The following PDE2A variants were observed in gnomAD, a reference collection of about 807,000 sequenced individuals.
The protein encoded by PDE2A is cGMP-dependent 3',5'-cyclic phosphodiesterase.
Under a neutral mutation model 133.6 loss-of-function variants are expected in PDE2A, and 53 were observed. The observed-to-expected ratio is 0.40, with a 90% CI of 0.32 to 0.50. The LOEUF is 0.50. Among genes scored for constraint, PDE2A ranks in the 20% least tolerant of loss-of-function variants. PDE2A has a pLI of 0.73. For missense variants in PDE2A, 796 were observed against 1,232.4 expected (o/e 0.65, Z 5.30); for synonymous variants, 491 against 490.2 (o/e 1.00, Z -0.02).
chr11:72,577,864 T>G (rs548221854), intron 30 of PDE2A, among the ~76,000 whole-genome samples: 3 of 152,100 alleles, frequency 2.0e-5, no homozygotes, highest in South Asian at 4.1e-4. Flanking sequence ...CCCAGCTACT[T>G]GGGAGGCTGA....
chr11:72,588,937 G>A (rs781592773), intron 12 of PDE2A, 23 bp from the exon 13 acceptor site: 2 of 1,590,408 alleles, frequency 1.3e-6, no homozygotes, highest in Admixed American at 3.4e-5. Flanking sequence ...GGCAAGTCAG[G>A]GCAGGGAAGC....
chr11:72,657,016 G>C (rs1270827863), intron 1 of PDE2A, among the ~76,000 whole-genome samples: 1 of 152,030 alleles, frequency 6.6e-6, no homozygotes, highest in Non-Finnish European at 1.5e-5. Flanking sequence ...CTCACACTTA[G>C]GCCACTCTGA....
intron 1 of PDE2A, among the ~76,000 whole-genome samples, chr11:72,652,245 G>C (rs1382006684): frequency 6.6e-6 from 1 of 152,214 alleles, no homozygotes; most frequent in African/African-American, 2.4e-5. Context: ...CCAGGAGACA[G>C]AGTCCCTTCT....
chr11:72,652,437 A>G, intron 1 of PDE2A: 1 of 451,000 alleles, frequency 2.2e-6, no homozygotes, highest in South Asian at 1.6e-5. Flanking sequence ...TGGCAGAACC[A>G]TTTCCAGATA....
At chr11:72,641,797 T>C (rs1373903865) in intron 2 of PDE2A, among the ~76,000 whole-genome samples, 1 of 152,130 alleles carries the variant, frequency 6.6e-6, no homozygotes, top group Non-Finnish European at 1.5e-5. Context: ...GGGTGTCCAG[T>C]TGAGGCTTGG....
intron 2 of PDE2A, among the ~76,000 whole-genome samples, chr11:72,619,670 T>C (rs1441499119): frequency 1.3e-5 from 2 of 152,186 alleles, no homozygotes; most frequent in Admixed American, 6.5e-5. Flanking sequence ...GTGCTGTGAA[T>C]GCGCTGGTGG....
intron 6 of PDE2A, among the ~76,000 whole-genome samples, chr11:72,593,593 G>C (rs1030742199): frequency 9.2e-5 from 14 of 152,204 alleles, no homozygotes; most frequent in Non-Finnish European, 1.8e-4. Context: ...GGTGCAGCTG[G>C]GGGAAGAGTG....
intron 1 of PDE2A, among the ~76,000 whole-genome samples, chr11:72,663,557 C>T (rs960884900): frequency 1.3e-5 from 2 of 151,926 alleles, no homozygotes; most frequent in South Asian, 2.1e-4. Flanking sequence ...GGTGAAACCC[C>T]GTCTCTACCA....
intron 1 of PDE2A, among the ~76,000 whole-genome samples, chr11:72,663,357 C>T (rs1855130244): frequency 6.6e-6 from 1 of 152,190 alleles, no homozygotes. Context: ...GCGGTGATCA[C>T]GGCAGGAAGC....
At chr11:72,592,599 CG>C (rs1175460544) in intron 6 of PDE2A, among the ~76,000 whole-genome samples, 2 of 152,114 alleles carry the variant, frequency 1.3e-5, no homozygotes, top group Admixed American at 1.3e-4. Context: ...AGGACACTGG[CG>C]GTAGGTGGTG....
chr11:72,616,736 G>T (rs927961838), intron 2 of PDE2A, among the ~76,000 whole-genome samples: 1 of 152,236 alleles, frequency 6.6e-6, no homozygotes, highest in Non-Finnish European at 1.5e-5. Flanking sequence ...GGCCCTTTGT[G>T]CTTCAGGATC....
rs769614074 is a variant in PDE2A at position 72,579,569 on chromosome 11, G to A, written c.2221C>T (p.His741Tyr). 1 of 1,612,850 alleles carries A rather than the reference G, an allele frequency of 6.2e-7. No individual in the cohort carries two copies. The highest frequency in any genetic ancestry group is 1.1e-5 in the South Asian group (1 of 90,724). The change falls in exon 26 of 31, where the codon CAC (histidine) becomes TAC (tyrosine). Residue 741 changes from histidine (H) to tyrosine (Y), a missense_variant. Physicochemically the swap from His to Tyr is moderately conservative, Grantham distance 83 (BLOSUM62 2). Around this residue, in one of 7 missense-constraint regions of PDE2A, gnomAD observed 218 missense variants for 465.9 expected, o/e 0.47. Transcript: ENST00000334456. ...AAATGATCAAAGATGTTGCAGCCGTGGGTGTTGAGGATGGCGATGGCCTGA... is the reference window on the plus strand; with the variant it reads ...AAATGATCAAAGATGTTGCAGCCGTAGGTGTTGAGGATGGCGATGGCCTGA... ...FAQAIAILNT[H>Y]GCNIFDHFSR... is the part of the protein sequence containing the mutation.
chr11:72,590,702 G>T lies in PDE2A; in HGVS notation c.550-122C>A. 1.1e-6 allele frequency: 1 copy of T among 914,478 alleles called. No individual in the cohort carries two copies. The highest frequency in any genetic ancestry group is 1.5e-6 in the Non-Finnish European group (1 of 663,526). The allele number at this position is 914,478 out of a possible 1,614,324, so 56.6% of individuals were successfully genotyped here. ...TGCCGGGCCCAGGGACCCCGCCGCCGTCCCAAACACCTCATCCCTGGACTC... is the reference window on the plus strand; with the variant it reads ...TGCCGGGCCCAGGGACCCCGCCGCCTTCCCAAACACCTCATCCCTGGACTC... On this transcript the variant is annotated intron_variant, in intron 7 of 30. Transcript: ENST00000334456. The surrounding 1 kb of genome is among the most constrained non-coding windows in gnomAD (Gnocchi z 4.8).
chr11:72,674,199 C>T lies in PDE2A; in HGVS notation c.9G>A (p.Gln3=), dbSNP rs771456106. The change falls in exon 1 of 31, where the codon CAG becomes CAA. Residue 3 remains glutamine, a synonymous_variant. Coordinates refer to ENST00000334456, the MANE Select transcript of PDE2A (RefSeq NM_002599.5). ...TGCAGAGGATGGAGTGGCCGCATGCCTGCCCCATCACTCCTCATCGTCCGC... is the reference window on the plus strand; with the variant it reads ...TGCAGAGGATGGAGTGGCCGCATGCTTGCCCCATCACTCCTCATCGTCCGC... MG[Q]ACGHSILCRS... is the part of the protein sequence containing the mutation. 6.2e-7 allele frequency: 1 copy of T among 1,610,802 alleles called. No homozygotes were observed. The highest frequency in any genetic ancestry group is 1.3e-5 in the African/African-American group (1 of 75,062).
intron 1 of PDE2A, among the ~76,000 whole-genome samples, chr11:72,661,386 C>T (rs551566966): frequency 5.5e-4 from 83 of 152,258 alleles, no homozygotes; most frequent in Non-Finnish European, 5.7e-4. Context: ...TAACTCATTT[C>T]CCCCCAAATT....
intron 1 of PDE2A, among the ~76,000 whole-genome samples, chr11:72,665,902 AAAC>A (rs1393833819): frequency 1.6e-5 from 2 of 122,688 alleles, no homozygotes; most frequent in African/African-American, 5.3e-5. Context: ...AAAACCTAAA[AAAC>A]AACAACAAAA....
At chr11:72,585,339 T>C in intron 16 of PDE2A, 32 bp downstream of exon 16, 1 of 1,595,872 alleles carries the variant, frequency 6.3e-7, no homozygotes, top group South Asian at 1.1e-5. Context: ...CCACAGCCTC[T>C]CTCGCCCTGT....
In PDE2A at chr11:72,583,380, C is replaced by A. The variant is rs567821011; in HGVS notation, c.1728+58G>T. On this transcript the variant is annotated intron_variant, in intron 20 of 30. Transcript: ENST00000334456. ...GTAGAGATTGATCAGGAAGCCCTGC[C>A]TGGCCCTGGGTCCCCGGGGAATCTG... is the stretch of plus-strand genomic sequence containing the variant. 26 of 1,203,834 alleles carry A rather than the reference C, an allele frequency of 2.2e-5. No individual in the cohort carries two copies. In the South Asian group the frequency reaches 3.0e-4, roughly 14 times the overall value. The allele number at this position is 1,203,834 out of a possible 1,614,324, so 74.6% of individuals were successfully genotyped here. A position where few individuals can be genotyped will look rare whatever the true frequency, so the allele number is the denominator to read the frequency against.
chr11:72,657,236 C>T lies in PDE2A; in HGVS notation c.72-14910G>A, dbSNP rs192924393. ...CTGTCCCCCACCTCACTCAGCTCCCCGGGGTGAGGGCTGAGCCTGGCTTTA... is the reference window on the plus strand; with the variant it reads ...CTGTCCCCCACCTCACTCAGCTCCCTGGGGTGAGGGCTGAGCCTGGCTTTA... On this transcript the variant is annotated intron_variant, in intron 1 of 30. Coordinates refer to ENST00000334456, the MANE Select transcript of PDE2A (RefSeq NM_002599.5). 5.6e-4 allele frequency among the ~76,000 whole-genome samples: 85 copies of T among 152,278 alleles called. No homozygotes were observed. In the South Asian group the frequency reaches 6.4e-3, roughly 12 times the overall value.
Sources: gnomAD v4.1 joint callset for allele counts (sites outside exome capture counted in the v4.1 genomes callset) on GRCh38, gnomAD v4.1.1 for gene constraint, gnomAD v4.1.1 regional missense constraint, Gnocchi (gnomAD v3.1) non-coding constraint, MANE v1.5 for transcripts, NCBI Gene and HGNC (gene_info 2026-07-23, HGNC 2026-07-21) for gene names.